KCNJ6: variants seen among roughly 807,000 people sequenced by gnomAD.
The protein encoded by KCNJ6 is potassium inwardly rectifying channel subfamily J member 6, also known as G protein-activated inward rectifier potassium channel 2.
A neutral mutation model predicts 34.2 loss-of-function variants in KCNJ6; 9 were observed. The observed-to-expected ratio is 0.26, with a 90% confidence interval of 0.16 to 0.46. KCNJ6 has a LOEUF of 0.46. KCNJ6 is among the 20% of genes least tolerant of loss of function. KCNJ6 has a pLI of 1.00. For synonymous variants in KCNJ6, 196 were observed against 207.1 expected (o/e 0.95, Z 0.46); for missense variants, 236 against 531.3 (o/e 0.44, Z 5.46).
chr21:37,821,831 GAC>G lies in KCNJ6; in HGVS notation c.25+18825_25+18826del, dbSNP rs535877018. On this transcript the variant is annotated intron_variant, in intron 2 of 3. Coordinates refer to ENST00000609713, the MANE Select transcript of KCNJ6 (RefSeq NM_002240.5). ...TTTATTTTATCCAGAAAGAATGGCA[GAC>G]ACACAGCAAATCCTAGTAAATGCTG... Among the ~76,000 whole-genome samples, 129 of 152,294 alleles carry G rather than the reference GAC, an allele frequency of 8.5e-4. 1 individual carries two copies. Among genetic ancestry groups the G allele is most frequent in the South Asian group, 1.7e-3 (8 of 4,824 alleles).
At chr21:37,914,626 C>T (rs1375102435) in intron 1 of KCNJ6, among the ~76,000 whole-genome samples, 1 of 152,262 alleles carries the variant, frequency 6.6e-6, no homozygotes, top group Non-Finnish European at 1.5e-5. Context: ...CCTGGGTCGC[C>T]ATGGAGACTC....
At chr21:37,825,256 A>G (rs2835992) in intron 2 of KCNJ6, among the ~76,000 whole-genome samples, 46,797 of 152,058 alleles carry the variant, frequency 0.31, 7,891 homozygotes, top group South Asian at 0.39. Flanking sequence ...GCAGATTTCT[A>G]TACCGTAGGA....
rs943747074 is a variant in KCNJ6 at position 37,916,249 on chromosome 21, G to C, written c.-393C>G. The C allele has an allele frequency of 5.3e-5, 8 of 152,290 alleles. No homozygotes were observed. The highest frequency in any genetic ancestry group is 1.9e-4 in the African/African-American group (8 of 41,542). 9.4% of individuals were successfully genotyped at this position (152,290 alleles called of 1,614,324 possible). On this transcript the variant is annotated 5_prime_UTR_variant, in exon 1 of 4. Coordinates refer to ENST00000609713, the MANE Select transcript of KCNJ6 (RefSeq NM_002240.5). ...GAGGGGCGGAGGGGCGCGCGTTTGG[G>C]CAGGGACGGGGGAGGGAGACTGGGT...
intron 1 of KCNJ6, among the ~76,000 whole-genome samples, chr21:37,857,748 T>C (rs2055572445): frequency 6.6e-6 from 1 of 151,948 alleles, no homozygotes; most frequent in African/African-American, 2.4e-5. Flanking sequence ...AGTGGATCTA[T>C]CCAAAATATT....
intron 1 of KCNJ6, among the ~76,000 whole-genome samples, chr21:37,893,178 C>A (rs1250519755): frequency 1.3e-5 from 2 of 149,640 alleles, no homozygotes; most frequent in African/African-American, 2.5e-5. Context: ...TCTTATGTTA[C>A]ATTCCTGGGT....
intron 1 of KCNJ6, among the ~76,000 whole-genome samples, chr21:37,878,124 C>T (rs1216301616): frequency 3.9e-5 from 6 of 152,174 alleles, no homozygotes; most frequent in Non-Finnish European, 8.8e-5. Context: ...AAGCACTGAG[C>T]TTTGAACAAC....
intron 3 of KCNJ6, among the ~76,000 whole-genome samples, chr21:37,641,193 G>A (rs936060307): frequency 6.6e-6 from 1 of 152,158 alleles, no homozygotes; most frequent in Non-Finnish European, 1.5e-5. Context: ...GTGGGCAGGA[G>A]CTCTGTCTTG....
chr21:37,668,162 A>G (rs1312353476), intron 3 of KCNJ6, among the ~76,000 whole-genome samples: 1 of 152,106 alleles, frequency 6.6e-6, no homozygotes, highest in Admixed American at 6.5e-5. Flanking sequence ...TGCTGAAAGC[A>G]TACCCCCTCC....
chr21:37,632,893 A>T (rs565925129), intron 3 of KCNJ6, among the ~76,000 whole-genome samples: 4 of 152,302 alleles, frequency 2.6e-5, no homozygotes, highest in South Asian at 4.1e-4. Flanking sequence ...AATCTTAAAG[A>T]TGAGTTCAAT....
intron 3 of KCNJ6, among the ~76,000 whole-genome samples, chr21:37,653,361 C>T (rs909040514): frequency 2.0e-5 from 3 of 152,072 alleles, no homozygotes; most frequent in Non-Finnish European, 2.9e-5. Context: ...GAAGTTGACA[C>T]GTGAACTAGT....
rs1255050014 is a variant in KCNJ6 at position 37,616,706 on chromosome 21, G to A, written c.*8453C>T. ...GACTAACCCCAATAATAGGTTGCTG[G>A]ATTGTGGATGCTCAAAAATGATATT... On this transcript the variant is annotated 3_prime_UTR_variant, in exon 4 of 4. Coordinates refer to ENST00000609713, the MANE Select transcript of KCNJ6 (RefSeq NM_002240.5). 1.3e-5 allele frequency: 2 copies of A among 149,566 alleles called. No individual in the cohort carries two copies. Among genetic ancestry groups the A allele is most frequent in the East Asian group, 4.0e-4 (2 of 5,046 alleles). The allele number at this position is 149,566 out of a possible 1,614,324, so 9.3% of individuals were successfully genotyped here. A position where few individuals can be genotyped will look rare whatever the true frequency, so the allele number is the denominator to read the frequency against.
chr21:37,746,158 C>T (rs964753721), intron 2 of KCNJ6, among the ~76,000 whole-genome samples: 1 of 152,184 alleles, frequency 6.6e-6, no homozygotes, highest in African/African-American at 2.4e-5. Flanking sequence ...AATGCCATCA[C>T]ATGGTGGATT....
chr21:37,902,313 T>A (rs1310595329), intron 1 of KCNJ6, among the ~76,000 whole-genome samples: 1 of 152,216 alleles, frequency 6.6e-6, no homozygotes, highest in Non-Finnish European at 1.5e-5. Context: ...CTGAGTGACA[T>A]CTAGAATGGA....
Position 37,730,748 on chromosome 21 carries a change from A to C in KCNJ6, c.26-15617T>G, listed in dbSNP as rs1270840257. ...AGTTGCATTCTACACTGTGGACAAG[A>C]GGCCAAGAATGTTCTAGTGCATCAG... On this transcript the variant is annotated intron_variant, in intron 2 of 3. Transcript: ENST00000609713. Among the ~76,000 whole-genome samples the C allele has an allele frequency of 4.6e-5, 7 of 152,236 alleles. No homozygotes were observed. In the East Asian group the frequency reaches 1.3e-3, roughly 29 times the overall value.
chr21:37,723,575 A>C (rs1455805685), intron 2 of KCNJ6, among the ~76,000 whole-genome samples: 3 of 152,236 alleles, frequency 2.0e-5, no homozygotes, highest in African/African-American at 7.2e-5. Flanking sequence ...TACACCATGG[A>C]ATACTACACA....
At chr21:37,689,323 T>G (rs1485882647) in intron 3 of KCNJ6, among the ~76,000 whole-genome samples, 1 of 118 alleles carries the variant, frequency 8.5e-3, no homozygotes, top group East Asian at 0.25. Flanking sequence ...TACTAAAAAG[T>G]CTGATGGAAT....
chr21:37,752,350 T>C (rs1308556673), intron 2 of KCNJ6, among the ~76,000 whole-genome samples: 1 of 152,060 alleles, frequency 6.6e-6, no homozygotes, highest in East Asian at 1.9e-4. Context: ...ACCAGCATCC[T>C]AGGAGGTGGT....
chr21:37,677,184 G>A (rs1476632705), intron 3 of KCNJ6, among the ~76,000 whole-genome samples: 1 of 152,216 alleles, frequency 6.6e-6, no homozygotes, highest in Non-Finnish European at 1.5e-5. Flanking sequence ...ACAAGCTCCA[G>A]CTAGTCTGCT....
At chr21:37,776,841 A>G (rs2055145130) in intron 2 of KCNJ6, among the ~76,000 whole-genome samples, 1 of 152,352 alleles carries the variant, frequency 6.6e-6, no homozygotes, top group East Asian at 1.9e-4. Flanking sequence ...AGGCTTTGGT[A>G]TCAGGATGAC....
Sources: gnomAD v4.1 joint callset for allele counts (sites outside exome capture counted in the v4.1 genomes callset) on GRCh38, gnomAD v4.1.1 for gene constraint, MANE v1.5 for transcripts, NCBI Gene and HGNC (gene_info 2026-07-23, HGNC 2026-07-21) for gene names.